PHF11: variants seen among roughly 807,000 people sequenced by gnomAD.
PHF11 encodes BRCA1 C-terminus-associated protein.
Under a neutral mutation model 40.5 loss-of-function variants are expected in PHF11, and 38 were observed. The ratio of observed to expected loss-of-function variants is 0.94; its 90% confidence interval spans 0.72 to 1.23. PHF11 has a LOEUF of 1.23. Ranked by LOEUF, PHF11 falls within the 50% of genes most tolerant of loss-of-function variation. The pLI is 0.00. For missense variants in PHF11, 369 were observed against 392.4 expected, an observed-to-expected ratio of 0.94 and a Z score of 0.50; for synonymous variants, 127 against 138.2, an observed-to-expected ratio of 0.92 and a Z score of 0.57.
intron 3 of PHF11, among the ~76,000 whole-genome samples, chr13:49,517,783 A>G (rs1267007910): frequency 6.6e-6 from 1 of 152,202 alleles, no homozygotes; most frequent in Non-Finnish European, 1.5e-5. Context: ...TAATCAGATC[A>G]TTACAAAACT....
intron 1 of PHF11, among the ~76,000 whole-genome samples, chr13:49,502,819 T>C (rs575521561): frequency 3.5e-4 from 54 of 152,198 alleles, no homozygotes; most frequent in African/African-American, 1.3e-3. Flanking sequence ...GCCTCCCAGG[T>C]CCAAGGGATT....
intron 4 of PHF11, 49 bp downstream of exon 4, chr13:49,518,200 G>T (rs1959171048): frequency 4.5e-6 from 6 of 1,346,650 alleles, no homozygotes; most frequent in Non-Finnish European, 6.2e-6. Context: ...TTGGGATAAG[G>T]AATGGTTGGA....
At chr13:49,521,060 T>A (rs1959185480) in intron 5 of PHF11, 120 bp downstream of exon 5, 2 of 1,401,872 alleles carry the variant, frequency 1.4e-6, no homozygotes, top group Non-Finnish European at 9.4e-7. Flanking sequence ...AGTTAAAATT[T>A]TACACATCTA....
chr13:49,515,157 G>T (rs778960487), intron 3 of PHF11, among the ~76,000 whole-genome samples: 4 of 152,058 alleles, frequency 2.6e-5, no homozygotes, highest in Non-Finnish European at 5.9e-5. Context: ...GGGATGGGTT[G>T]GAAGTGGAGG....
At chr13:49,526,074 C>T (rs1447522588) in intron 8 of PHF11, 1 of 341,424 alleles carries the variant, frequency 2.9e-6, no homozygotes, top group Non-Finnish European at 5.5e-6. Flanking sequence ...GAGGCTGAGA[C>T]ATGAGAATCG....
chr13:49,510,566 C>A (rs1356268417), intron 2 of PHF11, among the ~76,000 whole-genome samples: 1 of 152,130 alleles, frequency 6.6e-6, no homozygotes, highest in Non-Finnish European at 1.5e-5. Context: ...CAGCCTTGAA[C>A]TCCTGGGCTT....
At chr13:49,503,181 G>T (rs1279319563) in intron 1 of PHF11, among the ~76,000 whole-genome samples, 1 of 151,926 alleles carries the variant, frequency 6.6e-6, no homozygotes, top group Non-Finnish European at 1.5e-5. Context: ...CCGATCTCTG[G>T]GCCTTTTCCC....
At chr13:49,505,606 G>A (rs1049127753) in intron 1 of PHF11, among the ~76,000 whole-genome samples, 2 of 152,036 alleles carry the variant, frequency 1.3e-5, no homozygotes, top group Non-Finnish European at 2.9e-5. Flanking sequence ...ACATTGCAAT[G>A]GGCAAAAAAA....
chr13:49,511,324 T>G (rs1414885361), intron 2 of PHF11, among the ~76,000 whole-genome samples: 1 of 111,558 alleles, frequency 9.0e-6, no homozygotes, highest in Non-Finnish European at 1.7e-5. Flanking sequence ...AATTGTTCAA[T>G]GGCTTTTTTT....
intron 2 of PHF11, among the ~76,000 whole-genome samples, chr13:49,508,823 T>C (rs1184677645): frequency 6.6e-6 from 1 of 152,156 alleles, no homozygotes; most frequent in Non-Finnish European, 1.5e-5. Context: ...TTACAAGCAA[T>C]TAAATTTGGA....
intron 2 of PHF11, 56 bp downstream of exon 2, chr13:49,506,812 A>G (rs1326309785): frequency 1.3e-5 from 16 of 1,236,052 alleles, no homozygotes; most frequent in Non-Finnish European, 1.6e-5. Flanking sequence ...TGTAGGACAC[A>G]TAAGAATAGA....
At position 49,528,758 on chromosome 13, in the gene PHF11, AGTC is replaced by A; in HGVS notation, c.*97_*99del. On this transcript the variant is annotated 3_prime_UTR_variant, in exon 10 of 10. Coordinates refer to ENST00000378319, the MANE Select transcript of PHF11 (RefSeq NM_001040443.3). ...GTGAAATCCACACATCTTTAGAACTAGTCGTCTCCTCTTGGCCTCAGCAGCTCT... is the reference window on the plus strand; with the variant it reads ...GTGAAATCCACACATCTTTAGAACTAGTCTCCTCTTGGCCTCAGCAGCTCT... The A allele has an allele frequency of 4.7e-6, 4 of 856,192 alleles. No individual in the cohort carries two copies. Among genetic ancestry groups the A allele is most frequent in the Non-Finnish European group, 7.3e-6 (4 of 546,178 alleles). 53.0% of individuals were successfully genotyped at this position (856,192 alleles called of 1,614,324 possible).
chr13:49,501,256 G>A (rs372775483), intron 1 of PHF11, among the ~76,000 whole-genome samples: 3 of 152,058 alleles, frequency 2.0e-5, no homozygotes, highest in African/African-American at 4.8e-5. Flanking sequence ...CAGGTGATCC[G>A]CCTGCCTCGG....
intron 3 of PHF11, among the ~76,000 whole-genome samples, chr13:49,517,289 C>A (rs369737327): frequency 6.6e-6 from 1 of 152,152 alleles, no homozygotes; most frequent in Non-Finnish European, 1.5e-5. Context: ...ACTGTGCCCC[C>A]ACGTCATTCA....
At chr13:49,524,276 C>T (rs202127657) in intron 8 of PHF11, 60 bp downstream of exon 8, 21 of 304,134 alleles carry the variant, frequency 6.9e-5, no homozygotes, top group Non-Finnish European at 1.1e-4. Context: ...AGATTTAAAA[C>T]AAAACAAACC....
chr13:49,528,568 T>C lies in PHF11; in HGVS notation c.899T>C (p.Ile300Thr), dbSNP rs764214232. Residue 300 changes from isoleucine to threonine, a missense_variant, in exon 10 of 10, where the codon ATT becomes ACT. Physicochemically the swap from Ile to Thr is moderately conservative, Grantham distance 89. Transcript: ENST00000378319. ...AGGTGGCAGCAGTTGAAGGAAGAGA[T>C]TGAGCTACTTCAGGACTTAAAACAA... Reference protein sequence around the residue: ...QQRWQQLKEEIELLQDLKQTL... With the variant: ...QQRWQQLKEETELLQDLKQTL... 4 of 1,611,728 alleles carry C rather than the reference T, an allele frequency of 2.5e-6. No individual in the cohort carries two copies. The highest frequency in any genetic ancestry group is 3.4e-6 in the Non-Finnish European group (4 of 1,177,978).
chr13:49,517,882 C>A, intron 3 of PHF11, 136 bp from the exon 4 acceptor site: 1 of 579,940 alleles, frequency 1.7e-6, no homozygotes, highest in Non-Finnish European at 3.1e-6. Context: ...ATGTTTGTAA[C>A]GGGATGGAAT....
At chr13:49,506,138 T>C (rs1440242638) in intron 1 of PHF11, among the ~76,000 whole-genome samples, 1 of 151,968 alleles carries the variant, frequency 6.6e-6, no homozygotes, top group African/African-American at 2.4e-5. Flanking sequence ...AGCTCGTGCC[T>C]GTAATCCCAG....
At chr13:49,514,796 C>T (rs921357987) in intron 3 of PHF11, among the ~76,000 whole-genome samples, 1 of 150,622 alleles carries the variant, frequency 6.6e-6, no homozygotes. Context: ...GGATCCTGCT[C>T]TCAATGTCTA....
Sources: gnomAD v4.1 joint callset for allele counts (sites outside exome capture counted in the v4.1 genomes callset) on GRCh38, gnomAD v4.1.1 for gene constraint, MANE v1.5 for transcripts, NCBI Gene and HGNC (gene_info 2026-07-23, HGNC 2026-07-21) for gene names.